The following AGBL1 variants were observed in gnomAD, a reference collection of about 807,000 sequenced individuals.
AGBL1 encodes AGBL carboxypeptidase 1, also known as cytosolic carboxypeptidase 4.
A neutral mutation model predicts 118.9 loss-of-function variants in AGBL1; 130 were observed. That is an observed-to-expected ratio of 1.09 (90% CI 0.95 to 1.26). AGBL1 has a LOEUF of 1.26. AGBL1 is among the 50% of genes most tolerant of loss of function. The pLI is 0.00. For missense variants in AGBL1, 1,584 were observed against 1,298.1 expected (o/e 1.22, Z -3.38); for synonymous variants, 555 against 478.9 (o/e 1.16, Z -2.08).
intron 22 of AGBL1, among the ~76,000 whole-genome samples, chr15:86,738,752 T>G (rs74975662): frequency 6.6e-6 from 1 of 152,224 alleles, no homozygotes; most frequent in East Asian, 1.9e-4. Context: ...GCCTAAGAAG[T>G]CTTTAATATG....
At chr15:86,196,877 G>GCGCGCA (rs1555446475) in intron 5 of AGBL1, among the ~76,000 whole-genome samples, 4 of 86,322 alleles carry the variant, frequency 4.6e-5, no homozygotes, top group African/African-American at 2.3e-4. Flanking sequence ...GTGCGCGCGC[G>GCGCGCA]CGCACACACA....
chr15:86,209,872 T>C (rs551541033), intron 5 of AGBL1, among the ~76,000 whole-genome samples: 5 of 152,346 alleles, frequency 3.3e-5, no homozygotes, highest in Non-Finnish European at 5.9e-5. Flanking sequence ...GTTAGCTGGT[T>C]ATTTTGCCCA....
At chr15:86,889,257 G>A (rs4887516) in intron 22 of AGBL1, among the ~76,000 whole-genome samples, 129,315 of 151,032 alleles carry the variant, frequency 0.86, 55,828 homozygotes, top group African/African-American at 0.96. Flanking sequence ...TGGCGATACC[G>A]CTTACTATAG....
At chr15:86,396,411 C>T (rs1413483278) in intron 17 of AGBL1, among the ~76,000 whole-genome samples, 2 of 152,006 alleles carry the variant, frequency 1.3e-5, no homozygotes, top group Admixed American at 1.3e-4. Context: ...TCAGCACATT[C>T]TCCATAAAGA....
chr15:86,380,530 CCCTTCCTCGCTT>C (rs1175394494), intron 17 of AGBL1, among the ~76,000 whole-genome samples: 1 of 120,728 alleles, frequency 8.3e-6, no homozygotes, highest in Non-Finnish European at 1.6e-5. Context: ...TCTCCTCCGT[CCCTTCCTCGCTT>C]CCTTCCTTCT....
intron 18 of AGBL1, among the ~76,000 whole-genome samples, chr15:86,465,661 T>C: frequency 6.6e-6 from 1 of 152,146 alleles, no homozygotes; most frequent in East Asian, 1.9e-4. Flanking sequence ...AGGGATGAAA[T>C]ATGCCCTGGT....
intron 21 of AGBL1, among the ~76,000 whole-genome samples, chr15:86,589,217 G>T (rs1244712968): frequency 2.0e-5 from 3 of 152,124 alleles, no homozygotes; most frequent in Non-Finnish European, 4.4e-5. Flanking sequence ...AGGTTGGTAA[G>T]AATTTACTGA....
In AGBL1 at chr15:86,358,604, T is replaced by C. The variant is rs150981899; in HGVS notation, c.2375-38762T>C. On this transcript the variant is annotated intron_variant, in intron 17 of 22. Coordinates refer to ENST00000614907, the MANE Select transcript of AGBL1 (RefSeq NM_001386094.1). ...TTTTTAATTTTTTGAGGAACTTCTG[T>C]ACTGTTTTGCATAATGGCTTTACCA... Among the ~76,000 whole-genome samples, 87 of 152,154 alleles carry C rather than the reference T, an allele frequency of 5.7e-4. 1 individual carries two copies. Among genetic ancestry groups the C allele is most frequent in the African/African-American group, 2.0e-3 (82 of 41,558 alleles).
chr15:86,647,106 T>C (rs1195669996), intron 21 of AGBL1, among the ~76,000 whole-genome samples: 2 of 152,194 alleles, frequency 1.3e-5, no homozygotes, highest in Non-Finnish European at 2.9e-5. Context: ...AATTAATTGA[T>C]TTATATAACA....
At chr15:86,588,918 A>G (rs1159337411) in intron 21 of AGBL1, among the ~76,000 whole-genome samples, 1 of 152,178 alleles carries the variant, frequency 6.6e-6, no homozygotes, top group Non-Finnish European at 1.5e-5. Context: ...AAGACTGAGA[A>G]TATGCTGATC....
At chr15:86,297,417 G>A (rs920542047) in intron 17 of AGBL1, among the ~76,000 whole-genome samples, 3 of 152,098 alleles carry the variant, frequency 2.0e-5, no homozygotes, top group Non-Finnish European at 2.9e-5. Flanking sequence ...GCTTAGAAGG[G>A]CCATGCACTC....
At chr15:86,277,147 A>ATT (rs60962004) in intron 15 of AGBL1, among the ~76,000 whole-genome samples, 35,584 of 143,200 alleles carry the variant, frequency 0.25, 4,451 homozygotes, top group African/African-American at 0.26. Flanking sequence ...TTATAATAAG[A>ATT]TTTTTTTTTT....
chr15:86,696,414 T>C (rs932472461), intron 22 of AGBL1, among the ~76,000 whole-genome samples: 6 of 151,996 alleles, frequency 3.9e-5, no homozygotes, highest in Non-Finnish European at 8.8e-5. Context: ...TGCTTGCTTT[T>C]GGTGTCCTTT....
intron 22 of AGBL1, among the ~76,000 whole-genome samples, chr15:86,705,839 G>A (rs1177840566): frequency 6.6e-6 from 1 of 152,080 alleles, no homozygotes; most frequent in Non-Finnish European, 1.5e-5. Context: ...ATAAAATTCA[G>A]TGATGATTAC....
intron 22 of AGBL1, among the ~76,000 whole-genome samples, chr15:86,741,589 G>T (rs1224229601): frequency 6.6e-6 from 1 of 151,790 alleles, no homozygotes; most frequent in Non-Finnish European, 1.5e-5. Flanking sequence ...GCATGTTGAT[G>T]AAGTCTCTTG....
intron 22 of AGBL1, among the ~76,000 whole-genome samples, chr15:86,888,934 C>G (rs1483900480): frequency 6.6e-6 from 1 of 152,056 alleles, no homozygotes; most frequent in African/African-American, 2.4e-5. Context: ...GCGTTAATTT[C>G]TGGGACAAGA....
chr15:86,672,756 G>T (rs2085769288), intron 21 of AGBL1, among the ~76,000 whole-genome samples: 1 of 152,094 alleles, frequency 6.6e-6, no homozygotes, highest in Admixed American at 6.5e-5. Flanking sequence ...AAAACAACTT[G>T]TTCAACATCT....
intron 1 of AGBL1, among the ~76,000 whole-genome samples, chr15:86,127,771 T>A (rs971861406): frequency 6.6e-6 from 1 of 152,208 alleles, no homozygotes; most frequent in Admixed American, 6.5e-5. Flanking sequence ...TGTGCCACTT[T>A]CAGACCTGTC....
At chr15:86,562,659 A>C (rs2083844272) in intron 21 of AGBL1, among the ~76,000 whole-genome samples, 1 of 152,230 alleles carries the variant, frequency 6.6e-6, no homozygotes, top group South Asian at 2.1e-4. Context: ...TGGCCTCATA[A>C]AATGAGTTAG....
Sources: allele counts gnomAD v4.1 joint callset (sites outside exome capture counted in the v4.1 genomes callset), GRCh38; gene constraint gnomAD v4.1.1; transcripts MANE v1.5; gene names NCBI Gene and HGNC (gene_info 2026-07-23, HGNC 2026-07-21).